Variants in PSMA3 observed in about 807,000 individuals in gnomAD.
PSMA3 encodes the protein proteasome subunit alpha type-3.
Under a neutral mutation model 40.0 loss-of-function variants are expected in PSMA3, and 8 were observed. That is an observed-to-expected ratio of 0.20 (90% CI 0.12 to 0.36). The LOEUF is 0.36. Among genes scored for constraint, PSMA3 ranks in the 10% least tolerant of loss-of-function variants. The pLI is 1.00. For synonymous variants in PSMA3, 110 were observed against 100.0 expected (o/e 1.10, Z -0.59); for missense variants, 219 against 310.6 (o/e 0.70, Z 2.22).
chr14:58,245,290 C>T (rs1191153546), intron 1 of PSMA3: 2 of 264,238 alleles, frequency 7.6e-6, no homozygotes. Context: ...TTGAGAACCA[C>T]CGAGGCAGTG....
chr14:58,270,633 A>C, intron 9 of PSMA3, 148 bp downstream of exon 9: 1 of 1,418,442 alleles, frequency 7.0e-7, no homozygotes, highest in Non-Finnish European at 9.4e-7. Flanking sequence ...TAATTGACTT[A>C]AGTTGTGAAC....
chr14:58,250,164 G>C (rs1027959386), intron 2 of PSMA3, among the ~76,000 whole-genome samples: 26 of 143,410 alleles, frequency 1.8e-4, no homozygotes, highest in African/African-American at 6.6e-4. Flanking sequence ...AGGTTGCAGT[G>C]AGCCAAGATC....
chr14:58,268,176 C>G (rs1323227259), intron 8 of PSMA3: 3 of 152,106 alleles, frequency 2.0e-5, no homozygotes, highest in African/African-American at 7.2e-5. Context: ...TTCTCTAGAT[C>G]AAAGAGTGTA....
At chr14:58,270,018 T>G (rs929676213) in intron 8 of PSMA3, 6 of 158,980 alleles carry the variant, frequency 3.8e-5, no homozygotes, top group African/African-American at 1.2e-4. Context: ...CCTGGCTGAT[T>G]TTTGTTTCTT....
chr14:58,271,107 T>TA (rs775816230), intron 10 of PSMA3, 109 bp downstream of exon 10: 11,288 of 452,944 alleles, frequency 0.025, 34 homozygotes, highest in African/African-American at 0.047. Flanking sequence ...ATCCCTAATT[T>TA]AAAAAAAAAA....
intron 3 of PSMA3, among the ~76,000 whole-genome samples, chr14:58,252,507 G>A (rs1480130896): frequency 6.6e-6 from 1 of 152,134 alleles, no homozygotes; most frequent in Non-Finnish European, 1.5e-5. Context: ...ACTAATGAAG[G>A]TATATGCTTG....
chr14:58,248,331 G>C (rs1254377509), intron 2 of PSMA3, among the ~76,000 whole-genome samples: 2 of 152,312 alleles, frequency 1.3e-5, no homozygotes, highest in East Asian at 3.9e-4. Context: ...CTGGGTTCAA[G>C]TGATTCTCTT....
chr14:58,261,416 A>G (rs1471637465), intron 6 of PSMA3, among the ~76,000 whole-genome samples: 1 of 152,024 alleles, frequency 6.6e-6, no homozygotes. Context: ...AGTCCTCAAG[A>G]GATCTACCCA....
chr14:58,271,911 C>T lies in PSMA3; in HGVS notation c.*16C>T. The T allele has an allele frequency of 6.4e-7, 1 of 1,550,714 alleles. No individual in the cohort carries two copies. Among genetic ancestry groups the T allele is most frequent in the South Asian group, 1.1e-5 (1 of 89,314 alleles). ...TAATATGTAACATTTACTCCAGCAT[C>T]TATTGTATTTTAAATTTCTACTCCA... is the stretch of plus-strand genomic sequence containing the variant. On this transcript the variant is annotated 3_prime_UTR_variant, in exon 11 of 11. Transcript: ENST00000216455.
intron 3 of PSMA3, 104 bp downstream of exon 3, chr14:58,252,346 T>G: frequency 1.4e-6 from 2 of 1,397,382 alleles, no homozygotes; most frequent in Non-Finnish European, 1.9e-6. Flanking sequence ...CAGAGCAAGT[T>G]ACTGCATTTG....
intron 6 of PSMA3, among the ~76,000 whole-genome samples, chr14:58,262,135 G>A (rs928134326): frequency 2.0e-5 from 3 of 151,962 alleles, no homozygotes; most frequent in African/African-American, 7.3e-5. Flanking sequence ...TTGCCATGTT[G>A]GCCAGCTGGT....
rs1890186116 is a variant in PSMA3 at position 58,257,981 on chromosome 14, T to C, written c.387T>C (p.Val129=). 6.2e-7 allele frequency: 1 copy of C among 1,613,838 alleles called. No homozygotes were observed. Among genetic ancestry groups the C allele is most frequent in the Admixed American group, 1.7e-5 (1 of 60,018 alleles). Residue 129 remains valine (V), a synonymous_variant, in exon 5 of 11, where the codon GTT becomes GTC. Transcript: ENST00000216455. ...YVHAYTLYSA[V]RPFGCSFMLG... ...ATGCATATACACTCTACAGTGCTGT[T>C]AGACCTTTTGGCTGCAGGTAAGAAA...
chr14:58,252,093 A>G lies in PSMA3; in HGVS notation c.105-26A>G, dbSNP rs947723229. 10 of 1,566,166 alleles carry G rather than the reference A, an allele frequency of 6.4e-6. No individual in the cohort carries two copies. In the Admixed American group the frequency reaches 1.3e-4, roughly 21 times the overall value. On this transcript the variant is annotated intron_variant, in intron 2 of 10. Transcript: ENST00000216455. ...AAGTTTCTTTTATTTTCAGTTAAAA[A>G]ACTGATTTTCTTCTCCTTGTTTCAG...
chr14:58,267,578 T>C (rs753287079), intron 8 of PSMA3, 58 bp downstream of exon 8: 9 of 1,487,288 alleles, frequency 6.1e-6, no homozygotes, highest in Non-Finnish European at 8.0e-6. Context: ...TTTGCATATA[T>C]ATATTACATT....
In PSMA3 at chr14:58,263,754, A is replaced by C. The variant is rs2140092448; in HGVS notation, c.527A>C (p.Glu176Ala). The change falls in exon 7 of 11, where the codon GAA (glutamate) becomes GCA (alanine). Residue 176 changes from glutamate to alanine, a missense_variant. Transcript: ENST00000216455. ...IGKARQAAKT[E>A]IEKLQMKEMT... ...AAAGCCAGGCAAGCTGCAAAGACGG[A>C]AATAGAGAAGCTTCAGGTAATAATT... The C allele has an allele frequency of 6.2e-7, 1 of 1,613,844 alleles. No individual in the cohort carries two copies. Among genetic ancestry groups the C allele is most frequent in the East Asian group, 2.2e-5 (1 of 44,868 alleles).
At chr14:58,253,773 T>C (rs1890069108) in intron 3 of PSMA3, among the ~76,000 whole-genome samples, 1 of 152,126 alleles carries the variant, frequency 6.6e-6, no homozygotes. Context: ...TTTGTATTTT[T>C]AGTAGAGACG....
At chr14:58,258,472 A>G (rs561727018) in intron 5 of PSMA3, 2 of 149,492 alleles carry the variant, frequency 1.3e-5, no homozygotes, top group African/African-American at 4.9e-5. Context: ...AGGTTTCAAT[A>G]GTGAAAAGGA....
chr14:58,259,090 G>A (rs373587248), intron 5 of PSMA3, among the ~76,000 whole-genome samples: 1 of 152,108 alleles, frequency 6.6e-6, no homozygotes, highest in African/African-American at 2.4e-5. Context: ...ACCATGCCTG[G>A]CTAATTAACA....
At position 58,263,687 on chromosome 14, in the gene PSMA3, A is replaced by G. The variant is rs754009233; in HGVS notation, c.478-18A>G. 142 of 1,595,366 alleles carry G rather than the reference A, an allele frequency of 8.9e-5. No homozygotes were observed. Among genetic ancestry groups the G allele is most frequent in the Non-Finnish European group, 1.1e-4 (132 of 1,163,900 alleles). On this transcript the variant is annotated intron_variant, in intron 6 of 10. Coordinates refer to ENST00000216455, the MANE Select transcript of PSMA3 (RefSeq NM_002788.4). Reference sequence around the variant, plus strand: ...TAGTGTACTAATTCAGTGATTATATATATTTTTTTCTAAATAGGGTTATTG... The same window carrying G: ...TAGTGTACTAATTCAGTGATTATATGTATTTTTTTCTAAATAGGGTTATTG...
Sources: allele counts gnomAD v4.1 joint callset (sites outside exome capture counted in the v4.1 genomes callset), GRCh38; gene constraint gnomAD v4.1.1; transcripts MANE v1.5; gene names NCBI Gene and HGNC (gene_info 2026-07-23, HGNC 2026-07-21).